Variants in SP3 observed in about 807,000 individuals in gnomAD.
The protein encoded by SP3 is transcription factor Sp3.
SP3 carries 10 observed loss-of-function variants against 70.3 expected under a neutral mutation model. The observed-to-expected ratio is 0.14, with a 90% confidence interval of 0.09 to 0.24. SP3 has a LOEUF of 0.24. Among genes scored for constraint, SP3 ranks in the 10% least tolerant of loss-of-function variants. SP3 has a pLI of 1.00. For synonymous variants in SP3, 402 were observed against 333.5 expected (o/e 1.21, Z -2.24); for missense variants, 825 against 914.6 (o/e 0.90, Z 1.26).
At position 173,906,393 on chromosome 2, in the gene SP3, G is replaced by T. The variant is rs1264076863; in HGVS notation, c.*3548C>A. The T allele has an allele frequency of 1.3e-5, 2 of 152,114 alleles. No individual in the cohort carries two copies. Among genetic ancestry groups the T allele is most frequent in the Non-Finnish European group, 2.9e-5 (2 of 68,016 alleles). 9.4% of individuals were successfully genotyped at this position (152,114 alleles called of 1,614,324 possible). ...ACAAAAATATCAAATTTGTACCAAA[G>T]ATATCAATTAATTTGTTTTGTGCTT... On this transcript the variant is annotated 3_prime_UTR_variant, in exon 7 of 7. Transcript: ENST00000310015.
At position 173,956,047 on chromosome 2, in the gene SP3, T is replaced by C; in HGVS notation, c.465A>G (p.Ala155=). The C allele has an allele frequency of 6.2e-7, 1 of 1,614,186 alleles. No individual in the cohort carries two copies. Among genetic ancestry groups the C allele is most frequent in the Non-Finnish European group, 8.5e-7 (1 of 1,180,010 alleles). The change falls in exon 4 of 7, where the codon GCA becomes GCG. Residue 155 remains alanine (A), a synonymous_variant. Transcript: ENST00000310015. ...NLQNQQIFSV[A]PGSDSSNGTV... ...TACCATTTGATGAATCTGATCCTGGTGCAACGGAAAATATTTGTTGATTCT... is the reference window on the plus strand; with the variant it reads ...TACCATTTGATGAATCTGATCCTGGCGCAACGGAAAATATTTGTTGATTCT...
At chr2:173,925,005 A>T (rs1177222932) in intron 4 of SP3, among the ~76,000 whole-genome samples, 1 of 152,142 alleles carries the variant, frequency 6.6e-6, no homozygotes, top group Non-Finnish European at 1.5e-5. Flanking sequence ...CTCCTGCCTC[A>T]GCCACCTGAG....
rs768920333 is a variant in SP3, at chr2:173,964,437, T to C, written c.124A>G (p.Asn42Asp). 1 of 730,016 alleles carries C rather than the reference T, an allele frequency of 1.4e-6. No homozygotes were observed. The highest frequency in any genetic ancestry group is 2.5e-6 in the Non-Finnish European group (1 of 397,606). 45.2% of individuals were successfully genotyped at this position (730,016 alleles called of 1,614,324 possible). The change falls in exon 2 of 7, where the codon AAC (asparagine) becomes GAC (aspartate). Residue 42 changes from asparagine (N) to aspartate (D), a missense_variant. Physicochemically the swap from Asn to Asp is conservative, Grantham distance 23 (BLOSUM62 1). This residue lies in a region of SP3 where 678 missense variants were observed against 651.6 expected (regional missense o/e 1.04). Transcript: ENST00000310015. ...GCCGCTGCCGCCGCCACCGCACCGTTTCCGTGCTGTTGCTGCTGCTGCAGA... is the reference window on the plus strand; with the variant it reads ...GCCGCTGCCGCCGCCACCGCACCGTCTCCGTGCTGTTGCTGCTGCTGCAGA... ...EYLQQQQQHG[N>D]GAVAAAAAAQ...
At chr2:173,929,670 G>A (rs1259048409) in intron 4 of SP3, among the ~76,000 whole-genome samples, 1 of 152,188 alleles carries the variant, frequency 6.6e-6, no homozygotes, top group Non-Finnish European at 1.5e-5. Flanking sequence ...GAGTTTCTAA[G>A]TCTGCTGTTC....
chr2:173,942,635 A>C (rs1255360462), intron 4 of SP3, among the ~76,000 whole-genome samples: 1 of 152,126 alleles, frequency 6.6e-6, no homozygotes, highest in East Asian at 1.9e-4. Context: ...GCCCAACCTG[A>C]CCACTAGATT....
chr2:173,942,103 T>C (rs142461088), intron 4 of SP3, among the ~76,000 whole-genome samples: 2 of 152,210 alleles, frequency 1.3e-5, no homozygotes, highest in Non-Finnish European at 2.9e-5. Context: ...CTCTACTAAG[T>C]TAGAAATTCT....
chr2:173,915,091 G>A (rs1296510383), intron 5 of SP3: 2 of 152,066 alleles, frequency 1.3e-5, no homozygotes, highest in Non-Finnish European at 2.9e-5. Flanking sequence ...TTTAGCATGG[G>A]AACACTAACA....
intron 4 of SP3, among the ~76,000 whole-genome samples, chr2:173,923,669 C>T (rs1043146808): frequency 6.6e-6 from 1 of 151,924 alleles, no homozygotes. Flanking sequence ...AATAGTGTGC[C>T]ATTAAGATTT....
chr2:173,953,663 G>C (rs1257246531), intron 4 of SP3, among the ~76,000 whole-genome samples: 1 of 152,170 alleles, frequency 6.6e-6, no homozygotes, highest in East Asian at 1.9e-4. Flanking sequence ...AGTTACTCGA[G>C]AGGCTGAGGC....
chr2:173,926,758 A>G (rs1003854528), intron 4 of SP3, among the ~76,000 whole-genome samples: 1 of 152,200 alleles, frequency 6.6e-6, no homozygotes, highest in African/African-American at 2.4e-5. Flanking sequence ...TTCCAATTGC[A>G]TATTGCAATA....
chr2:173,933,671 T>TATATATATATATAA (rs1404261157), intron 4 of SP3, among the ~76,000 whole-genome samples: 10 of 139,460 alleles, frequency 7.2e-5, no homozygotes, highest in African/African-American at 2.5e-4. Context: ...TATATATATA[T>TATATATATATATAA]AAAAGTTATA....
intron 4 of SP3, among the ~76,000 whole-genome samples, chr2:173,919,251 AAATT>A (rs1689683219): frequency 6.6e-6 from 1 of 152,210 alleles, no homozygotes; most frequent in Non-Finnish European, 1.5e-5. Context: ...TAAAGACAAT[AAATT>A]AATTGCCCAA....
At chr2:173,947,297 T>G (rs1222352370) in intron 4 of SP3, among the ~76,000 whole-genome samples, 1 of 152,204 alleles carries the variant, frequency 6.6e-6, no homozygotes, top group Admixed American at 6.5e-5. Context: ...CTATCCTCCA[T>G]GTCTTAACTG....
intron 4 of SP3, among the ~76,000 whole-genome samples, chr2:173,941,740 A>G (rs560625371): frequency 1.3e-5 from 2 of 152,206 alleles, no homozygotes; most frequent in South Asian, 4.1e-4. Flanking sequence ...CACCCTCTAT[A>G]TGTTGGGAAT....
chr2:173,924,033 C>T (rs915645691), intron 4 of SP3, among the ~76,000 whole-genome samples: 1 of 151,830 alleles, frequency 6.6e-6, no homozygotes, highest in Non-Finnish European at 1.5e-5. Context: ...AAGAAGTTAA[C>T]ACTTTAGGGG....
chr2:173,955,270 T>C lies in SP3; in HGVS notation c.1242A>G (p.Gln414=), dbSNP rs1228488260. ...QQPTSQAQIV[Q]GITPQTIHGV... The stretch of plus-strand genomic sequence containing the variant: ...CATGGATTGTCTGTGGTGTAATACC[T>C]TGCACAATTTGGGCTTGACTGGTTG... Residue 414 remains glutamine, a synonymous_variant, in exon 4 of 7, where the codon CAA becomes CAG. Transcript: ENST00000310015. The C allele has an allele frequency of 3.7e-6, 6 of 1,614,150 alleles. No homozygotes were observed. The highest frequency in any genetic ancestry group is 5.1e-6 in the Non-Finnish European group (6 of 1,180,026).
chr2:173,961,947 T>TG (rs1559112142), intron 3 of SP3, among the ~76,000 whole-genome samples: 23 of 151,082 alleles, frequency 1.5e-4, no homozygotes, highest in East Asian at 9.7e-4. Flanking sequence ...TTTTTTTTTT[T>TG]TTTTTTTTTT....
At chr2:173,919,305 T>C (rs1689686679) in intron 4 of SP3, among the ~76,000 whole-genome samples, 1 of 152,220 alleles carries the variant, frequency 6.6e-6, no homozygotes, top group African/African-American at 2.4e-5. Flanking sequence ...CACTCATTCA[T>C]ACACATCTGG....
At position 173,965,196 on chromosome 2, in the gene SP3, G is replaced by A. The variant is rs1381688740; in HGVS notation, c.-25C>T. The A allele has an allele frequency of 1.9e-6, 3 of 1,547,240 alleles. No individual in the cohort carries two copies. Among genetic ancestry groups the A allele is most frequent in the Non-Finnish European group, 2.6e-6 (3 of 1,145,474 alleles). On this transcript the variant is annotated 5_prime_UTR_variant, in exon 1 of 7. Transcript: ENST00000310015. Reference sequence around the variant, plus strand: ...TAGTGTGTTTAGGGCACCTCAGGCGGGGCTCCCCGCCGCCTTACACATGGT... The same window carrying A: ...TAGTGTGTTTAGGGCACCTCAGGCGAGGCTCCCCGCCGCCTTACACATGGT...
Sources: allele counts gnomAD v4.1 joint callset (sites outside exome capture counted in the v4.1 genomes callset), GRCh38; gene constraint gnomAD v4.1.1; regional missense constraint gnomAD v4.1.1; transcripts MANE v1.5; gene names NCBI Gene and HGNC (gene_info 2026-07-23, HGNC 2026-07-21).